The following SEZ6L variants were observed in gnomAD, a reference collection of about 807,000 sequenced individuals.
SEZ6L encodes the protein seizure related 6 homolog like.
In SEZ6L, 37 loss-of-function variants were observed where a neutral mutation model predicts 106.2. The ratio of observed to expected loss-of-function variants is 0.35; its 90% CI spans 0.27 to 0.46. The LOEUF (loss-of-function observed/expected upper bound fraction) is 0.46, where lower values mean the gene tolerates loss of function less well. Ranked by LOEUF, SEZ6L falls within the 20% of genes least tolerant of loss-of-function variation. The probability of loss-of-function intolerance (pLI) is 1.00; values close to 1 mark genes in which losing one functional copy is unlikely to be tolerated. For missense variants in SEZ6L, 1,172 were observed against 1,332.8 expected (o/e 0.88, Z 1.88); for synonymous variants, 541 against 570.4 (o/e 0.95, Z 0.73).
At chr22:26,362,191 A>C (rs1301456000) in intron 12 of SEZ6L, among the ~76,000 whole-genome samples, 1 of 152,230 alleles carries the variant, frequency 6.6e-6, no homozygotes, top group Non-Finnish European at 1.5e-5. Context: ...AGGGAGCCCC[A>C]TGATTGACTT....
At chr22:26,282,174 T>C (rs986376790) in intron 1 of SEZ6L, among the ~76,000 whole-genome samples, 10 of 152,370 alleles carry the variant, frequency 6.6e-5, no homozygotes, top group Admixed American at 6.5e-4. Flanking sequence ...CTTGCCGTGT[T>C]ACACTCTATG....
At chr22:26,170,243 C>T (rs1188921851) in intron 1 of SEZ6L, among the ~76,000 whole-genome samples, 1 of 152,058 alleles carries the variant, frequency 6.6e-6, no homozygotes, top group Non-Finnish European at 1.5e-5. Context: ...ACCACAGAAA[C>T]CCTTGACTCC....
chr22:26,199,923 A>T (rs1413272437), intron 1 of SEZ6L, among the ~76,000 whole-genome samples: 1 of 152,216 alleles, frequency 6.6e-6, no homozygotes, highest in Non-Finnish European at 1.5e-5. Context: ...GTTTATCAGG[A>T]GTAAGGTGCT....
intron 1 of SEZ6L, among the ~76,000 whole-genome samples, chr22:26,264,357 C>T (rs527857941): frequency 1.3e-5 from 2 of 152,198 alleles, no homozygotes; most frequent in Non-Finnish European, 2.9e-5. Flanking sequence ...AGCTGTGTGA[C>T]CTTTGGCAAA....
At chr22:26,230,316 A>G (rs562519607) in intron 1 of SEZ6L, among the ~76,000 whole-genome samples, 4 of 133,866 alleles carry the variant, frequency 3.0e-5, no homozygotes, top group Admixed American at 2.4e-4. Flanking sequence ...TTAACCATAA[A>G]GGTAAAAAAA....
chr22:26,220,939 G>T (rs2078450566), intron 1 of SEZ6L, among the ~76,000 whole-genome samples: 1 of 151,948 alleles, frequency 6.6e-6, no homozygotes. Context: ...GTGGATGGAT[G>T]GATGATGAGT....
In SEZ6L at chr22:26,292,225, GGA is replaced by G. The variant is rs2081148774; in HGVS notation, c.95-175_95-174del. 5 of 560,240 alleles carry G rather than the reference GGA, an allele frequency of 8.9e-6. No individual in the cohort carries two copies. The East Asian group carries it at 1.5e-4, about 17-fold the overall frequency. The allele number at this position is 560,240 out of a possible 1,614,324, so 34.7% of individuals were successfully genotyped here. A position where few individuals can be genotyped will look rare whatever the true frequency, so the allele number is the denominator to read the frequency against. On this transcript the variant is annotated intron_variant, in intron 1 of 16. Transcript: ENST00000248933. ...AAAAGAAGGAAGAAAAGAGAAAGAG[GGA>G]GAGAGGGAAGGAGGAGAAAAAAGAA...
At chr22:26,191,346 C>T (rs1268609405) in intron 1 of SEZ6L, among the ~76,000 whole-genome samples, 6 of 152,150 alleles carry the variant, frequency 3.9e-5, no homozygotes, top group African/African-American at 1.4e-4. Flanking sequence ...AAATGCCCAT[C>T]AGTGATAGAC....
intron 1 of SEZ6L, among the ~76,000 whole-genome samples, chr22:26,243,845 C>T (rs2079225037): frequency 3.3e-5 from 5 of 151,662 alleles, no homozygotes; most frequent in Admixed American, 2.0e-4. Context: ...GGAGGCCTGG[C>T]GTGGTGGCTC....
chr22:26,272,976 G>A (rs1259118847), intron 1 of SEZ6L, among the ~76,000 whole-genome samples: 1 of 152,172 alleles, frequency 6.6e-6, no homozygotes, highest in Non-Finnish European at 1.5e-5. Context: ...TAGTTCTGAG[G>A]ATTAAATGAG....
chr22:26,178,233 A>C (rs1175605619), intron 1 of SEZ6L, among the ~76,000 whole-genome samples: 1 of 152,214 alleles, frequency 6.6e-6, no homozygotes, highest in Non-Finnish European at 1.5e-5. Context: ...TTGGCACTTG[A>C]ATCTTCAAGG....
At position 26,169,603 on chromosome 22, in the gene SEZ6L, T is replaced by TCCTTCCCCAGCTCCCTCGCCGTCCG; in HGVS notation, c.-64_-40dup. On this transcript the variant is annotated 5_prime_UTR_variant, in exon 1 of 17. Transcript: ENST00000248933. ...TCCCCTTTCTCGCTCACCGCCGCCCTCCTTCCCCAGCTCCCTCGCCGTCCG... is the reference window on the plus strand; with the variant it reads ...TCCCCTTTCTCGCTCACCGCCGCCCTCCTTCCCCAGCTCCCTCGCCGTCCGCCTTCCCCAGCTCCCTCGCCGTCCG... 1.8e-6 allele frequency: 1 copy of TCCTTCCCCAGCTCCCTCGCCGTCCG among 556,280 alleles called. No homozygotes were observed. Among genetic ancestry groups the TCCTTCCCCAGCTCCCTCGCCGTCCG allele is most frequent in the South Asian group, 3.8e-5 (1 of 26,188 alleles). The allele number at this position is 556,280 out of a possible 1,614,324, so 34.5% of individuals were successfully genotyped here.
intron 1 of SEZ6L, among the ~76,000 whole-genome samples, chr22:26,176,192 A>C (rs1046018260): frequency 6.6e-6 from 1 of 152,248 alleles, no homozygotes; most frequent in South Asian, 2.1e-4. Context: ...CGGTACAAGC[A>C]CTTGCTCAGG....
intron 5 of SEZ6L, among the ~76,000 whole-genome samples, chr22:26,304,369 G>A (rs367553332): frequency 4.1e-5 from 4 of 98,302 alleles, no homozygotes; most frequent in Admixed American, 1.2e-4. Context: ...AAAAAAGAAA[G>A]AAGAAAGAAA....
intron 9 of SEZ6L, among the ~76,000 whole-genome samples, chr22:26,320,746 G>A (rs2082131436): frequency 6.6e-6 from 1 of 152,172 alleles, no homozygotes; most frequent in Non-Finnish European, 1.5e-5. Flanking sequence ...CCTGAGAACA[G>A]TAAAGTCTAA....
intron 9 of SEZ6L, among the ~76,000 whole-genome samples, chr22:26,333,842 T>C (rs1286575502): frequency 6.6e-6 from 1 of 152,006 alleles, no homozygotes; most frequent in Non-Finnish European, 1.5e-5. Context: ...AGGCTGAAAC[T>C]AAGGGGTGGG....
At chr22:26,219,002 G>A (rs2078378975) in intron 1 of SEZ6L, among the ~76,000 whole-genome samples, 2 of 152,094 alleles carry the variant, frequency 1.3e-5, no homozygotes, top group African/African-American at 4.8e-5. Context: ...AAAGCACCTG[G>A]TCCCCCTGAA....
chr22:26,338,867 CTTTTT>C (rs71192914), intron 9 of SEZ6L, among the ~76,000 whole-genome samples: 8 of 87,468 alleles, frequency 9.1e-5, no homozygotes, highest in Non-Finnish European at 1.2e-4. Context: ...TTTTTTTTTT[CTTTTT>C]TTTTTTTTTT....
chr22:26,228,933 C>T (rs2078715616), intron 1 of SEZ6L, among the ~76,000 whole-genome samples: 1 of 152,172 alleles, frequency 6.6e-6, no homozygotes, highest in Admixed American at 6.5e-5. Flanking sequence ...TGAGGGATTA[C>T]CTATGACCAC....
Sources: allele counts gnomAD v4.1 joint callset (sites outside exome capture counted in the v4.1 genomes callset), GRCh38; gene constraint gnomAD v4.1.1; transcripts MANE v1.5; gene names NCBI Gene and HGNC (gene_info 2026-07-23, HGNC 2026-07-21).